The following FEM1C variants were observed in gnomAD, a reference collection of about 807,000 sequenced individuals.
The protein encoded by FEM1C is fem-1 homolog C, also known as protein fem-1 homolog C.
FEM1C carries 15 observed loss-of-function variants against 37.6 expected under a neutral mutation model. That is an observed-to-expected ratio of 0.40 (90% CI 0.27 to 0.61). FEM1C has a LOEUF of 0.61. Among genes scored for constraint, FEM1C ranks in the 20% least tolerant of loss-of-function variants. The probability of loss-of-function intolerance (pLI) is 0.42; values close to 1 mark genes in which losing one functional copy is unlikely to be tolerated. For missense variants in FEM1C, 532 were observed against 749.7 expected, an observed-to-expected ratio of 0.71 and a Z score of 3.39; for synonymous variants, 287 against 272.8, an observed-to-expected ratio of 1.05 and a Z score of -0.51.
Position 115,543,042 on chromosome 5 carries a change from G to A in FEM1C, c.452C>T (p.Thr151Met). The part of the protein sequence containing the change: ...DLEVSNRHGH[T>M]CLMISCYKGH... Reference sequence around the variant, plus strand: ...TTTGTAACATGAAATCATCAAGCACGTATGCCCATGTCGGTTTGACACTTC... The same window carrying A: ...TTTGTAACATGAAATCATCAAGCACATATGCCCATGTCGGTTTGACACTTC... Residue 151 changes from threonine to methionine, a missense_variant, in exon 2 of 3, where the codon ACG becomes ATG. Around this residue, in one of 3 missense-constraint regions of FEM1C, gnomAD observed 221 missense variants for 404.1 expected, o/e 0.55. Transcript: ENST00000274457. 1 of 1,614,226 alleles carries A rather than the reference G, an allele frequency of 6.2e-7. No individual in the cohort carries two copies. Among genetic ancestry groups the A allele is most frequent in the South Asian group, 1.1e-5 (1 of 91,090 alleles).
Position 115,544,655 on chromosome 5 carries a change from T to A in FEM1C, c.-323A>T, listed in dbSNP as rs937255304. ...CTGCGGCCGCACAGCTCCTCCATGC[T>A]CCGCGCCCCAAAGGAATGAATCCGG... On this transcript the variant is annotated 5_prime_UTR_variant, in exon 1 of 3. Transcript: ENST00000274457. 5.2e-5 allele frequency: 8 copies of A among 154,080 alleles called. 1 individual carries two copies. Among genetic ancestry groups the A allele is most frequent in the Admixed American group, 4.6e-4 (7 of 15,294 alleles). 9.5% of individuals were successfully genotyped at this position (154,080 alleles called of 1,614,324 possible).
intron 1 of FEM1C, 136 bp from the exon 2 acceptor site, chr5:115,543,819 C>A (rs913795487): frequency 6.7e-6 from 7 of 1,044,886 alleles, no homozygotes; most frequent in East Asian, 1.5e-4. Flanking sequence ...ACACCCCCCC[C>A]ACCCCCAAAG....
At chr5:115,539,621 A>C (rs1754198712) in intron 2 of FEM1C, among the ~76,000 whole-genome samples, 1 of 152,122 alleles carries the variant, frequency 6.6e-6, no homozygotes, top group African/African-American at 2.4e-5. Flanking sequence ...GGGATAAAGC[A>C]TTTCCAAATA....
At chr5:115,542,648 G>A (rs1480808242) in intron 2 of FEM1C, among the ~76,000 whole-genome samples, 2 of 151,568 alleles carry the variant, frequency 1.3e-5, no homozygotes, top group Non-Finnish European at 2.9e-5. Context: ...TAAGCCTAAA[G>A]GCTCAGATCA....
In FEM1C at chr5:115,543,337, G is replaced by A. The variant is rs1754280741; in HGVS notation, c.157C>T (p.His53Tyr). 5 of 1,614,178 alleles carry A rather than the reference G, an allele frequency of 3.1e-6. No homozygotes were observed. The highest frequency in any genetic ancestry group is 2.2e-5 in the East Asian group (1 of 44,884). ...TPLLMAARYG[H>Y]LDMVEFLLEQ... ...AGGAGGAATTCCACCATGTCAAGGTGCCCATACCTGGCGGCCATCAAGAGT... is the reference window on the plus strand; with the variant it reads ...AGGAGGAATTCCACCATGTCAAGGTACCCATACCTGGCGGCCATCAAGAGT... Residue 53 changes from histidine (H) to tyrosine (Y), a missense_variant, in exon 2 of 3, where the codon CAC (histidine) becomes TAC (tyrosine). By Grantham distance (83) the His-to-Tyr change is moderately conservative. Transcript: ENST00000274457.
intron 2 of FEM1C, among the ~76,000 whole-genome samples, chr5:115,534,261 T>C (rs1397006857): frequency 1.3e-5 from 2 of 151,936 alleles, no homozygotes; most frequent in Non-Finnish European, 2.9e-5. Context: ...AGTGCCAATC[T>C]TCACTGCTGT....
At position 115,523,165 on chromosome 5, in the gene FEM1C, C is replaced by T. The variant is rs891690912; in HGVS notation, c.*1143G>A. On this transcript the variant is annotated 3_prime_UTR_variant, in exon 3 of 3. Coordinates refer to ENST00000274457, the MANE Select transcript of FEM1C (RefSeq NM_020177.3). ...CTTGAAGAAAGAAAGAACACTGTTA[C>T]TGACCTTTGATATTATGGCAGTAAA... is the stretch of plus-strand genomic sequence containing the variant. 1 of 152,442 alleles carries T rather than the reference C, an allele frequency of 6.6e-6. No individual in the cohort carries two copies. The highest frequency in any genetic ancestry group is 1.5e-5 in the Non-Finnish European group (1 of 67,948). The allele number at this position is 152,442 out of a possible 1,614,324, so 9.4% of individuals were successfully genotyped here.
Position 115,522,044 on chromosome 5 carries a change from T to C in FEM1C, c.*2264A>G, listed in dbSNP as rs1408282751. On this transcript the variant is annotated 3_prime_UTR_variant, in exon 3 of 3. Coordinates refer to ENST00000274457, the MANE Select transcript of FEM1C (RefSeq NM_020177.3). The stretch of plus-strand genomic sequence containing the variant: ...ATGCTATTTAAAGAAATCCTTACTT[T>C]ACACAGGAGTTGCACAATTCAAATT... 1 of 151,830 alleles carries C rather than the reference T, an allele frequency of 6.6e-6. No individual in the cohort carries two copies. The highest frequency in any genetic ancestry group is 2.4e-5 in the African/African-American group (1 of 41,404). The allele number at this position is 151,830 out of a possible 1,614,324, so 9.4% of individuals were successfully genotyped here.
At position 115,525,090 on chromosome 5, in the gene FEM1C, T is replaced by C. The variant is rs757085338; in HGVS notation, c.1072A>G (p.Ile358Val). 1.6e-5 allele frequency: 26 copies of C among 1,613,734 alleles called. No homozygotes were observed. The highest frequency in any genetic ancestry group is 5.3e-5 in the African/African-American group (4 of 74,894). The change falls in exon 3 of 3, where the codon ATC (isoleucine) becomes GTC (valine). Residue 358 changes from isoleucine (I) to valine (V), a missense_variant. Transcript: ENST00000274457. Reference protein sequence around the residue: ...YADSGNFKRCINLWKYALDMQ... With the variant: ...YADSGNFKRCVNLWKYALDMQ... ...TCCAAAGCATACTTCCATAGGTTGA[T>C]GCATCGTTTGAAATTTCCAGAGTCT...
rs968077955 is a variant in FEM1C, at chr5:115,522,949, G to T, written c.*1359C>A. 6.6e-6 allele frequency: 1 copy of T among 152,218 alleles called. No individual in the cohort carries two copies. Among genetic ancestry groups the T allele is most frequent in the Non-Finnish European group, 1.5e-5 (1 of 67,856 alleles). 9.4% of individuals were successfully genotyped at this position (152,218 alleles called of 1,614,324 possible). A position where few individuals can be genotyped will look rare whatever the true frequency, so the allele number is the denominator to read the frequency against. ...AATCTGTGAGTGAGTGAGTGAGAGA[G>T]AGAGAGAGAGAGAAAGAGAAAGAGA... On this transcript the variant is annotated 3_prime_UTR_variant, in exon 3 of 3. Coordinates refer to ENST00000274457, the MANE Select transcript of FEM1C (RefSeq NM_020177.3).
intron 2 of FEM1C, among the ~76,000 whole-genome samples, chr5:115,538,173 T>C (rs1166260785): frequency 2.6e-5 from 4 of 152,052 alleles, no homozygotes; most frequent in Admixed American, 2.0e-4. Flanking sequence ...AGTGGTTCAA[T>C]GTATTCTCTC....
Position 115,521,051 on chromosome 5 carries a change from A to T in FEM1C, c.*3257T>A, listed in dbSNP as rs1033483168. The stretch of plus-strand genomic sequence containing the variant: ...AATGGGAACTGACAAAAGGGAGAGA[A>T]ACTAGTTGTTTAGTGACACATAAGG... On this transcript the variant is annotated 3_prime_UTR_variant, in exon 3 of 3. Coordinates refer to ENST00000274457, the MANE Select transcript of FEM1C (RefSeq NM_020177.3). 6.6e-6 allele frequency: 1 copy of T among 151,452 alleles called. No individual in the cohort carries two copies. Among genetic ancestry groups the T allele is most frequent in the Non-Finnish European group, 1.5e-5 (1 of 67,472 alleles). 9.4% of individuals were successfully genotyped at this position (151,452 alleles called of 1,614,324 possible).
intron 2 of FEM1C, among the ~76,000 whole-genome samples, chr5:115,526,050 C>G (rs1375879502): frequency 2.6e-5 from 4 of 151,270 alleles, no homozygotes; most frequent in Admixed American, 2.6e-4. Context: ...CTTTAGAGAC[C>G]AGGTCTTGCT....
chr5:115,525,876 C>T lies in FEM1C; in HGVS notation c.545-259G>A, dbSNP rs139492029. ...GTCACCAGAAGAAATTCAAACTAAT[C>T]CATGGTCTCTTCGTATTTTTCATTA... On this transcript the variant is annotated intron_variant, in intron 2 of 2. Coordinates refer to ENST00000274457, the MANE Select transcript of FEM1C (RefSeq NM_020177.3). 2.1e-3 allele frequency among the ~76,000 whole-genome samples: 324 copies of T among 152,176 alleles called. 1 individual carries two copies. Among genetic ancestry groups the T allele is most frequent in the African/African-American group, 7.2e-3 (301 of 41,542 alleles).
chr5:115,536,687 A>G (rs984692301), intron 2 of FEM1C, among the ~76,000 whole-genome samples: 1 of 151,886 alleles, frequency 6.6e-6, no homozygotes, highest in Non-Finnish European at 1.5e-5. Context: ...CAGAAGTTCA[A>G]AAAAAAGGAA....
In FEM1C at chr5:115,543,685, T is replaced by G; in HGVS notation, c.-190-2A>C. ...ACATCTGACAACCAGGGCACCAAAC[T>G]AGAGAAAGAAAAAAAAAGTAGCAGC... is the stretch of plus-strand genomic sequence containing the variant. On this transcript the variant is annotated splice_acceptor_variant, in intron 1 of 2. Transcript: ENST00000274457. LOFTEE classifies it low-confidence loss of function (5UTR_SPLICE). The G allele has an allele frequency of 1.5e-6, 2 of 1,346,246 alleles. No homozygotes were observed. Among genetic ancestry groups the G allele is most frequent in the South Asian group, 2.0e-5 (1 of 49,252 alleles). 83.4% of individuals were successfully genotyped at this position (1,346,246 alleles called of 1,614,324 possible).
intron 2 of FEM1C, among the ~76,000 whole-genome samples, chr5:115,528,001 G>GAAAAAAAAAAAAAAAAAAAAAAAAA (rs58897289): frequency 1.1e-5 from 1 of 87,088 alleles, no homozygotes; most frequent in Non-Finnish European, 2.3e-5. Context: ...CTTCGTCTCA[G>GAAAAAAAAAAAAAAAAAAAAAAAAA]AAAAAAAAAA....
chr5:115,543,251 A>T lies in FEM1C; in HGVS notation c.243T>A (p.Ile81=). The change falls in exon 2 of 3, where the codon ATT becomes ATA. Residue 81 remains isoleucine, a synonymous_variant. Coordinates refer to ENST00000274457, the MANE Select transcript of FEM1C (RefSeq NM_020177.3). ...CGGCCCATAAAGGGGGAGCCCCCTC[A>T]ATGGTTTCGCCATCAAAATTGACGG... is the stretch of plus-strand genomic sequence containing the variant. ...GGSVNFDGET[I]EGAPPLWAAS... is the part of the protein sequence containing the mutation. 6.2e-7 allele frequency: 1 copy of T among 1,614,184 alleles called. No individual in the cohort carries two copies. The highest frequency in any genetic ancestry group is 1.1e-5 in the South Asian group (1 of 91,078).
intron 2 of FEM1C, among the ~76,000 whole-genome samples, chr5:115,540,630 G>A (rs1265480013): frequency 6.6e-6 from 1 of 151,976 alleles, no homozygotes; most frequent in African/African-American, 2.4e-5. Context: ...GTTAAATACT[G>A]TTCACAGCTT....
Sources: allele counts gnomAD v4.1 joint callset (sites outside exome capture counted in the v4.1 genomes callset), GRCh38; gene constraint gnomAD v4.1.1; regional missense constraint gnomAD v4.1.1; transcripts MANE v1.5; gene names NCBI Gene and HGNC (gene_info 2026-07-23, HGNC 2026-07-21).